NCBP3: variants seen among roughly 807,000 people sequenced by gnomAD.
NCBP3 encodes nuclear cap-binding protein subunit 3.
In NCBP3, 20 loss-of-function variants were observed where a neutral mutation model predicts 75.7. The ratio of observed to expected loss-of-function variants is 0.26; its 90% CI spans 0.19 to 0.38. NCBP3 has a LOEUF of 0.38. Ranked by LOEUF, NCBP3 falls within the 10% of genes least tolerant of loss-of-function variation. The pLI, the probability that NCBP3 is intolerant of heterozygous loss-of-function variation, is 1.00. For synonymous variants in NCBP3, 293 were observed against 290.5 expected (o/e 1.01, Z -0.09); for missense variants, 678 against 796.9 (o/e 0.85, Z 1.80).
At chr17:3,823,713 G>A (rs1163033232) in intron 7 of NCBP3, 2 of 152,154 alleles carry the variant, frequency 1.3e-5, no homozygotes, top group Non-Finnish European at 2.9e-5. Context: ...ACGAGCCACT[G>A]TAACCAGCCA....
In NCBP3 at chr17:3,843,169, G is replaced by A. The variant is rs1353905037; in HGVS notation, c.184-18C>T. Reference sequence around the variant, plus strand: ...CTCGTGTCCTAACACAAAGGGGAAGGGTGAGAAATTCAGACAGCAATTGAG... The same window carrying A: ...CTCGTGTCCTAACACAAAGGGGAAGAGTGAGAAATTCAGACAGCAATTGAG... On this transcript the variant is annotated intron_variant, in intron 1 of 12. Coordinates refer to ENST00000389005, the MANE Select transcript of NCBP3 (RefSeq NM_001114118.3). The A allele has an allele frequency of 1.9e-6, 3 of 1,549,520 alleles. No homozygotes were observed. Among genetic ancestry groups the A allele is most frequent in the African/African-American group, 2.7e-5 (2 of 72,936 alleles).
chr17:3,846,153 G>A lies in NCBP3; in HGVS notation c.71C>T (p.Pro24Leu), dbSNP rs1330612286. ...EAPAGPALGL[P>L]SPEAESGVDR... ...AACACCGGACTCCGCCTCAGGGGAC[G>A]GGAGCCCCAGGGCCGGCCCCGCCGG... The change falls in exon 1 of 13, where the codon CCG becomes CTG. Residue 24 changes from proline to leucine, a missense_variant. This residue lies in a region of NCBP3 where 76 missense variants were observed against 53.8 expected (regional missense o/e 1.41). Coordinates refer to ENST00000389005, the MANE Select transcript of NCBP3 (RefSeq NM_001114118.3). The surrounding 1 kb of genome is among the most constrained non-coding windows in gnomAD (Gnocchi z 4.6). The A allele has an allele frequency of 6.5e-7, 1 of 1,537,726 alleles. No individual in the cohort carries two copies. The highest frequency in any genetic ancestry group is 8.8e-7 in the Non-Finnish European group (1 of 1,141,542).
At chr17:3,836,631 C>G (rs1460375088) in intron 3 of NCBP3, among the ~76,000 whole-genome samples, 2 of 127,182 alleles carry the variant, frequency 1.6e-5, no homozygotes, top group Non-Finnish European at 3.2e-5. Flanking sequence ...CCAGCCTAGG[C>G]AACAGAGTGA....
At chr17:3,837,103 G>A (rs1011567179) in intron 3 of NCBP3, among the ~76,000 whole-genome samples, 13 of 151,684 alleles carry the variant, frequency 8.6e-5, no homozygotes, top group African/African-American at 2.9e-4. Flanking sequence ...AGCTGAGATC[G>A]TGCCACTGCA....
chr17:3,803,736 T>A lies in NCBP3; in HGVS notation c.*9308A>T, dbSNP rs554696077. 1 of 152,282 alleles carries A rather than the reference T, an allele frequency of 6.6e-6. No homozygotes were observed. The highest frequency in any genetic ancestry group is 2.4e-5 in the African/African-American group (1 of 41,546). 9.4% of individuals were successfully genotyped at this position (152,282 alleles called of 1,614,324 possible). ...TAAAGTTTTAAATATTTTAAAAAAT[T>A]TTTTTCTTTCTCCCCTTGATACCAG... is the stretch of plus-strand genomic sequence containing the variant. On this transcript the variant is annotated 3_prime_UTR_variant, in exon 13 of 13. Coordinates refer to ENST00000389005, the MANE Select transcript of NCBP3 (RefSeq NM_001114118.3).
chr17:3,814,424 G>C lies in NCBP3; in HGVS notation c.1525C>G (p.Pro509Ala). The change falls in exon 12 of 13, where the codon CCC becomes GCC. Residue 509 changes from proline to alanine, a missense_variant. Physicochemically the swap from Pro to Ala is conservative, Grantham distance 27. Transcript: ENST00000389005. Reference protein sequence around the residue: ...HSPEKAFSSNPVVRREPSSDV... With the variant: ...HSPEKAFSSNAVVRREPSSDV... ...GAAGAGGGCTCTCTCCGAACGACGG[G>C]GTTACTACTAAAAGCCTTTTCCGGA... The C allele has an allele frequency of 6.2e-7, 1 of 1,614,138 alleles. No individual in the cohort carries two copies. Among genetic ancestry groups the C allele is most frequent in the Middle Eastern group, 1.6e-4 (1 of 6,062 alleles).
In NCBP3 at chr17:3,807,905, C is replaced by T. The variant is rs530538640; in HGVS notation, c.*5139G>A. 2 of 151,550 alleles carry T rather than the reference C, an allele frequency of 1.3e-5. No homozygotes were observed. The highest frequency in any genetic ancestry group is 4.9e-5 in the African/African-American group (2 of 41,168). The allele number at this position is 151,550 out of a possible 1,614,324, so 9.4% of individuals were successfully genotyped here. A position where few individuals can be genotyped will look rare whatever the true frequency, so the allele number is the denominator to read the frequency against. ...AAGACAAACTAGGAACAAGAAATTA[C>T]AGTCCAGTGTAGAGGTGTGCAGGGT... On this transcript the variant is annotated 3_prime_UTR_variant, in exon 13 of 13. Transcript: ENST00000389005.
chr17:3,815,638 A>G (rs1335807681), intron 11 of NCBP3, among the ~76,000 whole-genome samples: 1 of 152,238 alleles, frequency 6.6e-6, no homozygotes, highest in East Asian at 1.9e-4. Flanking sequence ...CTGATCGAAT[A>G]CATGTGGAAA....
intron 4 of NCBP3, 119 bp downstream of exon 4, chr17:3,829,124 C>A: frequency 8.7e-7 from 1 of 1,151,604 alleles, no homozygotes. Context: ...CCTGGACTAA[C>A]AGCAGAAGTT....
chr17:3,813,018 G>C lies in NCBP3; in HGVS notation c.*26C>G, dbSNP rs1355852029. 2 of 1,613,638 alleles carry C rather than the reference G, an allele frequency of 1.2e-6. No individual in the cohort carries two copies. Among genetic ancestry groups the C allele is most frequent in the Non-Finnish European group, 1.7e-6 (2 of 1,179,834 alleles). On this transcript the variant is annotated 3_prime_UTR_variant, in exon 13 of 13. Transcript: ENST00000389005. Reference sequence around the variant, plus strand: ...CCTGTGCAAGAATGTCAGGCTTTAGGGCAGCTGCCATAGGCCCCAGGGGCA... The same window carrying C: ...CCTGTGCAAGAATGTCAGGCTTTAGCGCAGCTGCCATAGGCCCCAGGGGCA...
In NCBP3 at chr17:3,803,879, T is replaced by C. The variant is rs375876612; in HGVS notation, c.*9165A>G. ...TCACAAAGTCAGGAGATCGAGACCA[T>C]CCTGGCTAACACGGTGAAACCCGGT... On this transcript the variant is annotated 3_prime_UTR_variant, in exon 13 of 13. Coordinates refer to ENST00000389005, the MANE Select transcript of NCBP3 (RefSeq NM_001114118.3). 2.0e-5 allele frequency: 3 copies of C among 151,420 alleles called. No homozygotes were observed. The highest frequency in any genetic ancestry group is 1.3e-4 in the Admixed American group (2 of 15,204). 9.4% of individuals were successfully genotyped at this position (151,420 alleles called of 1,614,324 possible). A position where few individuals can be genotyped will look rare whatever the true frequency, so the allele number is the denominator to read the frequency against.
Position 3,802,645 on chromosome 17 carries a change from CCCT to C in NCBP3, c.*10396_*10398del, listed in dbSNP as rs2053283218. 2 of 152,386 alleles carry C rather than the reference CCCT, an allele frequency of 1.3e-5. No individual in the cohort carries two copies. Among genetic ancestry groups the C allele is most frequent in the Admixed American group, 6.5e-5 (1 of 15,300 alleles). The allele number at this position is 152,386 out of a possible 1,614,324, so 9.4% of individuals were successfully genotyped here. A position where few individuals can be genotyped will look rare whatever the true frequency, so the allele number is the denominator to read the frequency against. ...CTTCCCAGCGCTCCAGGGCTCGTGA[CCCT>C]CCTCCTCCCCTCACTTCATTCTGCG... is the stretch of plus-strand genomic sequence containing the variant. On this transcript the variant is annotated 3_prime_UTR_variant, in exon 13 of 13. Coordinates refer to ENST00000389005, the MANE Select transcript of NCBP3 (RefSeq NM_001114118.3).
intron 4 of NCBP3, among the ~76,000 whole-genome samples, chr17:3,827,311 A>C (rs1025656936): frequency 1.3e-5 from 2 of 152,198 alleles, no homozygotes; most frequent in Non-Finnish European, 2.9e-5. Context: ...GATAACTGTC[A>C]AGTAAGTTTG....
At chr17:3,816,077 G>A (rs1728728823) in intron 11 of NCBP3, 39 bp downstream of exon 11, 1 of 1,591,022 alleles carries the variant, frequency 6.3e-7, no homozygotes, top group African/African-American at 1.3e-5. Flanking sequence ...GCTTTCCGGA[G>A]CTCAGAATCC....
intron 11 of NCBP3, 142 bp from the exon 12 acceptor site, chr17:3,814,625 CT>C: frequency 2.4e-6 from 2 of 843,062 alleles, no homozygotes; most frequent in Non-Finnish European, 3.6e-6. Context: ...AGTATTCTTC[CT>C]TTGTAATCAG....
Position 3,832,448 on chromosome 17 carries a change from G to T in NCBP3, c.356-3080C>A, listed in dbSNP as rs559231758. Among the ~76,000 whole-genome samples, 13 of 117,494 alleles carry T rather than the reference G, an allele frequency of 1.1e-4. 3 individuals carry two copies. In the East Asian group the frequency reaches 4.5e-3, roughly 40 times the overall value. The allele number at this position is 117,494 out of a possible 152,430, so 77.1% of individuals were successfully genotyped here. A position where few individuals can be genotyped will look rare whatever the true frequency, so the allele number is the denominator to read the frequency against. ...GATCGAGACCATCCTGGCCAACACG[G>T]TGAAACCCCGTCTCTACTAAAAATA... On this transcript the variant is annotated intron_variant, in intron 3 of 12. Transcript: ENST00000389005.
chr17:3,812,959 C>T lies in NCBP3; in HGVS notation c.*85G>A. On this transcript the variant is annotated 3_prime_UTR_variant, in exon 13 of 13. Coordinates refer to ENST00000389005, the MANE Select transcript of NCBP3 (RefSeq NM_001114118.3). ...GTGAGCAGGAGCGAGAGGGCGCCAG[C>T]TCCTGCGGGGGAGGTTCCTACTGCG... is the stretch of plus-strand genomic sequence containing the variant. 6.4e-7 allele frequency: 1 copy of T among 1,573,392 alleles called. No individual in the cohort carries two copies. Among genetic ancestry groups the T allele is most frequent in the Non-Finnish European group, 8.6e-7 (1 of 1,160,744 alleles).
At chr17:3,824,189 T>C (rs931396584) in intron 7 of NCBP3, 1 of 152,190 alleles carries the variant, frequency 6.6e-6, no homozygotes, top group Non-Finnish European at 1.5e-5. Context: ...ATGTTAAATT[T>C]CTTGATTTTG....
rs1361423047 is a variant in NCBP3, at chr17:3,846,188, C to T, written c.36G>A (p.Lys12=). 4 of 1,513,098 alleles carry T rather than the reference C, an allele frequency of 2.6e-6. No individual in the cohort carries two copies. The highest frequency in any genetic ancestry group is 3.5e-6 in the Non-Finnish European group (4 of 1,131,760). The allele number at this position is 1,513,098 out of a possible 1,614,324, so 93.7% of individuals were successfully genotyped here. Residue 12 remains lysine (K), a synonymous_variant, in exon 1 of 13, where the codon AAG becomes AAA. Transcript: ENST00000389005. This position sits in a 1 kb window ranked among gnomAD's most constrained non-coding sequence, Gnocchi z 4.6. ...GGGCCGGCCCCGCCGGGGCCTCCGC[C>T]TTCACCGACACCCGCAGGCCCCGTA... ...AAVRGLRVSV[K]AEAPAGPALG...
Sources: allele counts gnomAD v4.1 joint callset (sites outside exome capture counted in the v4.1 genomes callset), GRCh38; gene constraint gnomAD v4.1.1; regional missense constraint gnomAD v4.1.1; non-coding constraint Gnocchi (gnomAD v3.1); transcripts MANE v1.5; gene names NCBI Gene and HGNC (gene_info 2026-07-23, HGNC 2026-07-21).